The following DIP2C variants were observed in gnomAD, a reference collection of about 807,000 sequenced individuals.
DIP2C encodes the protein disco-interacting protein 2 homolog C.
Under a neutral mutation model 192.4 loss-of-function variants are expected in DIP2C, and 33 were observed. The ratio of observed to expected loss-of-function variants is 0.17; its 90% confidence interval spans 0.13 to 0.23. DIP2C has a LOEUF of 0.23. Among genes scored for constraint, DIP2C ranks in the 10% least tolerant of loss-of-function variants. The probability of loss-of-function intolerance (pLI) is 1.00; values close to 1 mark genes in which losing one functional copy is unlikely to be tolerated. For synonymous variants in DIP2C, 979 were observed against 864.1 expected, an observed-to-expected ratio of 1.13 and a Z score of -2.33; for missense variants, 1,537 against 2,110.1, an observed-to-expected ratio of 0.73 and a Z score of 5.32.
intron 31 of DIP2C, among the ~76,000 whole-genome samples, chr10:311,875 G>A (rs1333994499): frequency 6.6e-6 from 1 of 152,200 alleles, no homozygotes; most frequent in Non-Finnish European, 1.5e-5. Flanking sequence ...CAGGGACACA[G>A]AAGGTAAATG....
intron 1 of DIP2C, among the ~76,000 whole-genome samples, chr10:654,252 G>A (rs1260198977): frequency 6.6e-6 from 1 of 152,094 alleles, no homozygotes; most frequent in Non-Finnish European, 1.5e-5. Context: ...GTGTTTTTCT[G>A]ACAACAAAGT....
intron 13 of DIP2C, 111 bp downstream of exon 13, chr10:389,880 G>C: frequency 1.2e-6 from 1 of 832,692 alleles, no homozygotes. Context: ...CAGCGGAGCT[G>C]GGCACAAACT....
At chr10:302,457 G>C (rs1264137288) in intron 32 of DIP2C, among the ~76,000 whole-genome samples, 2 of 152,192 alleles carry the variant, frequency 1.3e-5, no homozygotes, top group Non-Finnish European at 2.9e-5. Flanking sequence ...GGGGGAGTGA[G>C]GGTGAGGCTC....
At chr10:488,602 C>G (rs1018429222) in intron 1 of DIP2C, among the ~76,000 whole-genome samples, 4 of 152,152 alleles carry the variant, frequency 2.6e-5, no homozygotes, top group Non-Finnish European at 4.4e-5. Flanking sequence ...TGTTCACGCC[C>G]CGTACATCCT....
At chr10:429,536 C>A (rs1197804518) in intron 4 of DIP2C, among the ~76,000 whole-genome samples, 3 of 80,282 alleles carry the variant, frequency 3.7e-5, no homozygotes, top group Admixed American at 2.4e-4. Flanking sequence ...CTGCCTCCCC[C>A]ACAGACCCTG....
At chr10:306,158 T>C (rs1956311367) in intron 32 of DIP2C, among the ~76,000 whole-genome samples, 1 of 152,038 alleles carries the variant, frequency 6.6e-6, no homozygotes, top group Non-Finnish European at 1.5e-5. Context: ...AATTTCATCA[T>C]TTCCTTCCTG....
intron 4 of DIP2C, among the ~76,000 whole-genome samples, chr10:433,291 T>C (rs759222287): frequency 6.6e-6 from 1 of 152,236 alleles, no homozygotes; most frequent in African/African-American, 2.4e-5. Context: ...CATTTAAGGA[T>C]TGTTTTATCT....
intron 1 of DIP2C, among the ~76,000 whole-genome samples, chr10:496,907 G>A (rs1057248923): frequency 6.6e-6 from 1 of 152,184 alleles, no homozygotes; most frequent in Admixed American, 6.5e-5. Context: ...GGCAGATCAC[G>A]AGGTCAGGAG....
chr10:624,095 G>A (rs992830855), intron 1 of DIP2C, among the ~76,000 whole-genome samples: 12 of 152,232 alleles, frequency 7.9e-5, no homozygotes, highest in African/African-American at 4.8e-5. Context: ...GCGAGGACTC[G>A]GGAACTGCCC....
chr10:637,516 C>CAGTG (rs1386216967), intron 1 of DIP2C, among the ~76,000 whole-genome samples: 1 of 152,198 alleles, frequency 6.6e-6, no homozygotes, highest in African/African-American at 2.4e-5. Context: ...GGTCCGCACA[C>CAGTG]AGTGGAAGGA....
intron 2 of DIP2C, among the ~76,000 whole-genome samples, chr10:480,784 TC>T (rs1256328432): frequency 1.3e-5 from 2 of 152,202 alleles, no homozygotes; most frequent in African/African-American, 4.8e-5. Flanking sequence ...AGAACACGTC[TC>T]CGGCAGCTAA....
chr10:455,154 GCCGCACCGGTTCAAAC>G (rs895084928), intron 3 of DIP2C, among the ~76,000 whole-genome samples: 6 of 152,212 alleles, frequency 3.9e-5, no homozygotes, highest in African/African-American at 1.4e-4. Context: ...CGGGAGCCAG[GCCGCACCGGTTCAAAC>G]CCCAGCTCCT....
chr10:506,085 T>G (rs1845579043), intron 1 of DIP2C, among the ~76,000 whole-genome samples: 1 of 152,200 alleles, frequency 6.6e-6, no homozygotes, highest in Non-Finnish European at 1.5e-5. Context: ...TGCTAGGTAC[T>G]GTTATTCCCA....
intron 9 of DIP2C, 61 bp from the exon 10 acceptor site, chr10:399,280 C>G (rs544879611): frequency 1.4e-6 from 2 of 1,390,004 alleles, no homozygotes; most frequent in Non-Finnish European, 2.0e-6. Context: ...TAAGACGCCA[C>G]GGAAGAGCTT....
intron 34 of DIP2C, among the ~76,000 whole-genome samples, chr10:285,471 G>A (rs1040745928): frequency 5.3e-5 from 8 of 152,352 alleles, no homozygotes; most frequent in African/African-American, 1.7e-4. Context: ...ACGGCAGGCC[G>A]GGGTAACCGG....
chr10:482,938 T>TCCA (rs1332636389), intron 2 of DIP2C, among the ~76,000 whole-genome samples: 1 of 152,192 alleles, frequency 6.6e-6, no homozygotes, highest in African/African-American at 2.4e-5. Context: ...AAGATGATCT[T>TCCA]CCAGGCACCC....
At chr10:348,578 G>C (rs555077366) in intron 26 of DIP2C, 63 bp downstream of exon 26, 1 of 1,576,414 alleles carries the variant, frequency 6.3e-7, no homozygotes, top group Non-Finnish European at 8.6e-7. Flanking sequence ...CAGAGTCTGC[G>C]CGTTGCAAGC....
At chr10:598,148 T>C (rs1307137450) in intron 1 of DIP2C, among the ~76,000 whole-genome samples, 2 of 150,380 alleles carry the variant, frequency 1.3e-5, no homozygotes, top group African/African-American at 4.9e-5. Flanking sequence ...AGGCAAAGAG[T>C]CGGAGACACC....
intron 10 of DIP2C, among the ~76,000 whole-genome samples, chr10:397,506 G>A (rs1295692008): frequency 6.8e-6 from 1 of 146,160 alleles, no homozygotes; most frequent in East Asian, 2.0e-4. Flanking sequence ...CTCCAGCCTG[G>A]GAGACACAGC....
Sources: allele counts gnomAD v4.1 joint callset (sites outside exome capture counted in the v4.1 genomes callset), GRCh38; gene constraint gnomAD v4.1.1; transcripts MANE v1.5; gene names NCBI Gene and HGNC (gene_info 2026-07-23, HGNC 2026-07-21).